Variants in CMTR2 observed in about 807,000 individuals in gnomAD.
CMTR2 encodes the protein cap methyltransferase 2.
A neutral mutation model predicts 49.8 loss-of-function variants in CMTR2; 40 were observed. The observed-to-expected ratio is 0.80, with a 90% CI of 0.62 to 1.04. The LOEUF is 1.04. Ranked by LOEUF, CMTR2 falls within the 50% of genes least tolerant of loss-of-function variation. CMTR2 has a pLI of 0.00. For synonymous variants in CMTR2, 326 were observed against 315.8 expected (o/e 1.03, Z -0.34); for missense variants, 907 against 897.2 (o/e 1.01, Z -0.14).
intron 2 of CMTR2, chr16:71,286,961 G>A (rs1041562946): frequency 2.6e-5 from 4 of 152,074 alleles, no homozygotes; most frequent in African/African-American, 9.7e-5. Context: ...CTTCTGAAGA[G>A]GAAAAAGGAT....
Position 71,283,612 on chromosome 16 carries a change from T to C in CMTR2, c.2309A>G (p.Asn770Ser). 1 of 1,609,160 alleles carries C rather than the reference T, an allele frequency of 6.2e-7. No homozygotes were observed. Among genetic ancestry groups the C allele is most frequent in the Non-Finnish European group, 8.5e-7 (1 of 1,177,792 alleles). The change falls in exon 3 of 3, where the codon AAC (asparagine) becomes AGC (serine). Residue 770 changes from asparagine (N) to serine (S), a missense_variant. Coordinates refer to ENST00000434935, the MANE Select transcript of CMTR2 (RefSeq NM_018348.6). ...TGAATCTCAGAAAGCATATGTTCAG[T>C]TTTGTAACTGAAGGCTGTTGATAAT... Reference protein sequence around the residue: ...EEIINSLQLQN With the variant: ...EEIINSLQLQS
At position 71,284,137 on chromosome 16, in the gene CMTR2, A is replaced by G. The variant is rs762377510; in HGVS notation, c.1784T>C (p.Ile595Thr). The change falls in exon 3 of 3, where the codon ATA (isoleucine) becomes ACA (threonine). Residue 595 changes from isoleucine (I) to threonine (T), a missense_variant. Physicochemically the swap from Ile to Thr is moderately conservative, Grantham distance 89 (BLOSUM62 -1). Coordinates refer to ENST00000434935, the MANE Select transcript of CMTR2 (RefSeq NM_018348.6). The stretch of plus-strand genomic sequence containing the variant: ...TTCTAGGAGTCGAACTTCCAACGGT[A>G]TATGCATTTTGATATTACGGAGAGT... ...FSTLRNIKMH[I>T]PLEVRLLESA... 4 of 1,614,036 alleles carry G rather than the reference A, an allele frequency of 2.5e-6. No homozygotes were observed. The highest frequency in any genetic ancestry group is 1.3e-5 in the African/African-American group (1 of 75,044).
intron 2 of CMTR2, chr16:71,288,496 G>T (rs1218203288): frequency 6.6e-6 from 1 of 152,144 alleles, no homozygotes. Flanking sequence ...CAAGAAGTTG[G>T]ACATTGCCTG....
In CMTR2 at chr16:71,284,159, G is replaced by A. The variant is rs868756180; in HGVS notation, c.1762C>T (p.Leu588Phe). 1.2e-6 allele frequency: 2 copies of A among 1,613,804 alleles called. No homozygotes were observed. Among genetic ancestry groups the A allele is most frequent in the Non-Finnish European group, 1.7e-6 (2 of 1,179,884 alleles). Residue 588 changes from leucine (L) to phenylalanine (F), a missense_variant, in exon 3 of 3, where the codon CTC (leucine) becomes TTC (phenylalanine). Coordinates refer to ENST00000434935, the MANE Select transcript of CMTR2 (RefSeq NM_018348.6). ...GGTATATGCATTTTGATATTACGGA[G>A]AGTCGAAAAGCCCACCAGCAGGCAC... ...IKCLLVGFST[L>F]RNIKMHIPLE...
At chr16:71,286,889 G>C (rs2041736217) in intron 2 of CMTR2, 1 of 151,984 alleles carries the variant, frequency 6.6e-6, no homozygotes, top group Non-Finnish European at 1.5e-5. Context: ...ATTACAAATA[G>C]TCACTCTACA....
intron 1 of CMTR2, 92 bp downstream of exon 1, chr16:71,289,044 G>C (rs906523397): frequency 6.6e-6 from 1 of 152,326 alleles, no homozygotes; most frequent in African/African-American, 2.4e-5. Context: ...CAGAGGCCCG[G>C]TCCCTGACCT....
Position 71,285,896 on chromosome 16 carries a change from C to CTGG in CMTR2, c.22_24dup (p.Pro8dup). ...GACGCGGGACTTGCTAGCTGCTGAA[C>CTGG]TGGTGTCTTTCTGCACTTACTCATT... On this transcript the variant is annotated inframe_insertion, in exon 3 of 3. Coordinates refer to ENST00000434935, the MANE Select transcript of CMTR2 (RefSeq NM_018348.6). The CTGG allele has an allele frequency of 1.3e-6, 2 of 1,593,592 alleles. No homozygotes were observed. The highest frequency in any genetic ancestry group is 1.7e-6 in the Non-Finnish European group (2 of 1,171,242).
chr16:71,284,307 C>A lies in CMTR2; in HGVS notation c.1614G>T (p.Arg538Ser). The A allele has an allele frequency of 6.2e-7, 1 of 1,613,760 alleles. No individual in the cohort carries two copies. Among genetic ancestry groups the A allele is most frequent in the Non-Finnish European group, 8.5e-7 (1 of 1,179,922 alleles). ...AAGAACAAGAATACTGCTGTTTTGGCCTAAACTTGGAATCCAAATTAAAAG... is the reference window on the plus strand; with the variant it reads ...AAGAACAAGAATACTGCTGTTTTGGACTAAACTTGGAATCCAAATTAAAAG... Reference protein sequence around the residue: ...GGAFNLDSKFRPKQQYSCSCH... With the variant: ...GGAFNLDSKFSPKQQYSCSCH... The change falls in exon 3 of 3, where the codon AGG becomes AGT. Residue 538 changes from arginine to serine, a missense_variant. Arg to Ser is a moderately radical substitution (Grantham distance 110). Transcript: ENST00000434935.
Position 71,285,127 on chromosome 16 carries a change from G to C in CMTR2, c.794C>G (p.Thr265Ser), listed in dbSNP as rs374455171. Reference sequence around the variant, plus strand: ...AACAAAAGAGCCACCGTTTCCAAGAGTGGTCAGAGCAGTGACAACTTCACA... The same window carrying C: ...AACAAAAGAGCCACCGTTTCCAAGACTGGTCAGAGCAGTGACAACTTCACA... ...HYCEVVTALT[T>S]LGNGGSFVLK... is the part of the protein sequence containing the mutation. Residue 265 changes from threonine (T) to serine (S), a missense_variant, in exon 3 of 3, where the codon ACT becomes AGT. Physicochemically the swap from Thr to Ser is moderately conservative, Grantham distance 58. Coordinates refer to ENST00000434935, the MANE Select transcript of CMTR2 (RefSeq NM_018348.6). 1.9e-6 allele frequency: 3 copies of C among 1,614,064 alleles called. No homozygotes were observed. The highest frequency in any genetic ancestry group is 2.5e-6 in the Non-Finnish European group (3 of 1,180,022).
In CMTR2 at chr16:71,285,579, T is replaced by A. The variant is rs528086845; in HGVS notation, c.342A>T (p.Ala114=). 1.2e-6 allele frequency: 2 copies of A among 1,614,136 alleles called. No individual in the cohort carries two copies. Among genetic ancestry groups the A allele is most frequent in the Non-Finnish European group, 1.7e-6 (2 of 1,179,994 alleles). ...KSVNAELCTQ[A]WCKFHEILCS... ...ACAAAATCTCATGGAACTTACACCA[T>A]GCTTGAGTACAAAGTTCAGCATTCA... is the stretch of plus-strand genomic sequence containing the variant. The change falls in exon 3 of 3, where the codon GCA becomes GCT. Residue 114 remains alanine (A), a synonymous_variant. Coordinates refer to ENST00000434935, the MANE Select transcript of CMTR2 (RefSeq NM_018348.6).
chr16:71,285,808 T>C lies in CMTR2; in HGVS notation c.113A>G (p.Lys38Arg), dbSNP rs1451846591. ...ELFAKNFSYGKPLNNEWQLPD... is the reference protein window; with the variant it reads ...ELFAKNFSYGRPLNNEWQLPD... ...TAACTGCCACTCATTATTAAGTGGC[T>C]TGCCATAAGAAAAGTTCTTGGCAAA... The change falls in exon 3 of 3, where the codon AAG becomes AGG. Residue 38 changes from lysine (K) to arginine (R), a missense_variant. By Grantham distance (26) the Lys-to-Arg change is conservative. Transcript: ENST00000434935. The C allele has an allele frequency of 3.7e-6, 6 of 1,614,088 alleles. No individual in the cohort carries two copies. In the South Asian group the frequency reaches 6.6e-5, roughly 18 times the overall value.
rs2041665893 is a variant in CMTR2, at chr16:71,284,105, C to A, written c.1816G>T (p.Glu606Ter). Residue 606 changes from glutamate to a stop codon, truncating the protein, a stop_gained, in exon 3 of 3, where the codon GAA becomes TAA. Transcript: ENST00000434935. LOFTEE classifies it high-confidence loss of function. The stretch of plus-strand genomic sequence containing the variant: ...AATGAACAGCTAAAAGTTGTGAGTT[C>A]AGCTGATTCTAGGAGTCGAACTTCC... ...PLEVRLLESA[E>*]LTTFSCSLLH... 3 of 1,613,860 alleles carry A rather than the reference C, an allele frequency of 1.9e-6. No individual in the cohort carries two copies. Among genetic ancestry groups the A allele is most frequent in the Non-Finnish European group, 2.5e-6 (3 of 1,179,924 alleles).
chr16:71,286,459 T>A (rs1189525969), intron 2 of CMTR2: 1 of 147,660 alleles, frequency 6.8e-6, no homozygotes, highest in East Asian at 1.9e-4. Flanking sequence ...TTTTTTTTTT[T>A]AGTTCCCGTC....
At chr16:71,289,561 A>G (rs1238357798), upstream of CMTR2, 8 of 151,320 alleles carry the variant, frequency 5.3e-5, no homozygotes, top group Non-Finnish European at 1.5e-5. Context: ...CCCGGCCACT[A>G]TGGCAACGGA....
rs1022331711 is a variant in CMTR2 at position 71,285,310 on chromosome 16, G to A, written c.611C>T (p.Pro204Leu). 2 of 1,613,972 alleles carry A rather than the reference G, an allele frequency of 1.2e-6. No individual in the cohort carries two copies. The highest frequency in any genetic ancestry group is 1.3e-5 in the African/African-American group (1 of 74,910). ...GGTCATGATATCACCAGTGTTATCT[G>A]GACCAAAGTACCACCAGTGCAAGGT... ...ANTLHWWYFG[P>L]DNTGDIMTLK... The change falls in exon 3 of 3, where the codon CCA becomes CTA. Residue 204 changes from proline to leucine, a missense_variant. Pro to Leu is a moderately conservative substitution (Grantham distance 98, BLOSUM62 -3). Transcript: ENST00000434935.
rs2041646920 is a variant in CMTR2 at position 71,283,508 on chromosome 16, T to C, written c.*100A>G. 3.6e-6 allele frequency: 5 copies of C among 1,377,454 alleles called. No homozygotes were observed. Among genetic ancestry groups the C allele is most frequent in the Admixed American group, 2.7e-5 (1 of 36,772 alleles). The allele number at this position is 1,377,454 out of a possible 1,614,324, so 85.3% of individuals were successfully genotyped here. On this transcript the variant is annotated 3_prime_UTR_variant, in exon 3 of 3. Transcript: ENST00000434935. ...ACTTTGAATGATGCAAATGTTGGCC[T>C]TTCCCCAAAATAAAAGGTTTTTAAA...
rs943373412 is a variant in CMTR2 at position 71,288,353 on chromosome 16, T to C, written c.-20+525A>G. The stretch of plus-strand genomic sequence containing the variant: ...ATGCCTCTTACCTCGCTGTATTTTT[T>C]TCCTATGGTACTCATGTACTTCCAA... On this transcript the variant is annotated intron_variant, in intron 2 of 2. Transcript: ENST00000434935. 3.4e-4 allele frequency: 52 copies of C among 152,396 alleles called. 1 individual carries two copies. Among genetic ancestry groups the C allele is most frequent in the African/African-American group, 1.2e-3 (50 of 41,592 alleles). 9.4% of individuals were successfully genotyped at this position (152,396 alleles called of 1,614,324 possible).
chr16:71,286,979 G>A (rs1450976710), intron 2 of CMTR2: 3 of 152,126 alleles, frequency 2.0e-5, no homozygotes, highest in African/African-American at 4.8e-5. Context: ...GATATGAGAA[G>A]TATGGCTTAA....
Position 71,284,129 on chromosome 16 carries a change from C to G in CMTR2, c.1792G>C (p.Glu598Gln), listed in dbSNP as rs1342497820. ...LRNIKMHIPL[E>Q]VRLLESAELT... is the part of the protein sequence containing the mutation. ...TCAGCTGATTCTAGGAGTCGAACTT[C>G]CAACGGTATATGCATTTTGATATTA... The change falls in exon 3 of 3, where the codon GAA (glutamate) becomes CAA (glutamine). Residue 598 changes from glutamate (E) to glutamine (Q), a missense_variant. Transcript: ENST00000434935. 2 of 1,613,996 alleles carry G rather than the reference C, an allele frequency of 1.2e-6. No individual in the cohort carries two copies. The highest frequency in any genetic ancestry group is 1.7e-5 in the Admixed American group (1 of 60,014).
Sources: allele counts gnomAD v4.1 joint callset, GRCh38; gene constraint gnomAD v4.1.1; transcripts MANE v1.5; gene names NCBI Gene and HGNC (gene_info 2026-07-23, HGNC 2026-07-21).